The following RHBG variants were observed in gnomAD, a reference collection of about 807,000 sequenced individuals.
RHBG encodes Rh family B glycoprotein.
In RHBG, 39 loss-of-function variants were observed where a neutral mutation model predicts 40.1. The observed-to-expected ratio is 0.97, with a 90% CI of 0.75 to 1.27. The LOEUF (loss-of-function observed/expected upper bound fraction) is 1.27. Among genes scored for constraint, RHBG ranks in the 50% most tolerant of loss-of-function variants. The pLI, the probability that RHBG is intolerant of heterozygous loss-of-function variation, is 0.00. For missense variants in RHBG, 549 were observed against 588.1 expected, an observed-to-expected ratio of 0.93 and a Z score of 0.69; for synonymous variants, 237 against 252.5, an observed-to-expected ratio of 0.94 and a Z score of 0.58.
In RHBG at chr1:156,377,275, G is replaced by A. The variant is rs1667271100; in HGVS notation, c.188-26G>A. The A allele has an allele frequency of 6.2e-7, 1 of 1,607,828 alleles. No individual in the cohort carries two copies. The highest frequency in any genetic ancestry group is 1.1e-5 in the South Asian group (1 of 90,506). ...GCTATGGCTAGAGCAGCCCCCAAGT[G>A]CCCCGCCTGTCCCTGCCCGCTGCAG... On this transcript the variant is annotated intron_variant, in intron 1 of 9. Transcript: ENST00000537040. The surrounding 1 kb of genome is among the most constrained non-coding windows in gnomAD (Gnocchi z 4.6).
At chr1:156,383,250 G>T (rs3790462) in intron 8 of RHBG, among the ~76,000 whole-genome samples, 2 of 152,104 alleles carry the variant, frequency 1.3e-5, no homozygotes. Context: ...ACCCCAGTGC[G>T]AAAACCTTCC....
chr1:156,371,327 G>C (rs920380228), intron 1 of RHBG: 6 of 313,184 alleles, frequency 1.9e-5, no homozygotes, highest in South Asian at 1.2e-4. Context: ...ACCTAGATAA[G>C]TTTTGTATTT....
rs1304353534 is a variant in RHBG at position 156,384,992 on chromosome 1, C to T, written c.*147C>T. On this transcript the variant is annotated 3_prime_UTR_variant, in exon 10 of 10. Coordinates refer to ENST00000537040, the MANE Select transcript of RHBG (RefSeq NM_020407.5). ...GGCCCCTTTCCACAGGCAGCGTCTCCACAGGGAGAGGGGCAACAGGAGGCT... is the reference window on the plus strand; with the variant it reads ...GGCCCCTTTCCACAGGCAGCGTCTCTACAGGGAGAGGGGCAACAGGAGGCT... The T allele has an allele frequency of 6.7e-6, 4 of 596,954 alleles. No individual in the cohort carries two copies. Among genetic ancestry groups the T allele is most frequent in the South Asian group, 6.2e-5 (3 of 48,748 alleles). 37.0% of individuals were successfully genotyped at this position (596,954 alleles called of 1,614,324 possible).
intron 4 of RHBG, among the ~76,000 whole-genome samples, chr1:156,379,559 G>T (rs1023660507): frequency 1.3e-5 from 2 of 152,084 alleles, no homozygotes; most frequent in East Asian, 1.9e-4. Context: ...AATTCCAAAG[G>T]CTTCCCCAAG....
Position 156,378,369 on chromosome 1 carries a change from G to A in RHBG, c.643G>A (p.Val215Ile), listed in dbSNP as rs765489907. ...GAAGAGCAAGCACCGCCAGGGCTCC[G>A]TCTACCATTCAGACCTCTTCGCCAT... ...LEKSKHRQGS[V>I]YHSDLFAMIG... Residue 215 changes from valine (V) to isoleucine (I), a missense_variant, in exon 4 of 10, where the codon GTC becomes ATC. By Grantham distance (29) the Val-to-Ile change is conservative. Coordinates refer to ENST00000537040, the MANE Select transcript of RHBG (RefSeq NM_020407.5). 2.5e-5 allele frequency: 40 copies of A among 1,611,300 alleles called. No homozygotes were observed. The East Asian group carries it at 6.2e-4, about 25-fold the overall frequency.
rs935351717 is a variant in RHBG, at chr1:156,377,544, T to C, written c.374+57T>C. On this transcript the variant is annotated intron_variant, in intron 2 of 9. Transcript: ENST00000537040. This position sits in a 1 kb window ranked among gnomAD's most constrained non-coding sequence, Gnocchi z 4.6. ...GGTTCACTCGGGAGGCCCCTGCCCA[T>C]GGGCCCCGGATCTAGCCCTGTCCTT... 1.9e-6 allele frequency: 3 copies of C among 1,545,814 alleles called. No homozygotes were observed. The African/African-American group carries it at 4.1e-5, about 21-fold the overall frequency.
Position 156,382,807 on chromosome 1 carries a change from TG to T in RHBG, c.1173del (p.Met391IlefsTer11). On this transcript the variant is annotated frameshift_variant, in exon 8 of 10. Coordinates refer to ENST00000537040, the MANE Select transcript of RHBG (RefSeq NM_020407.5). LOFTEE classifies it high-confidence loss of function. ...CAGCGCAGTGCCACGTCACAGGCCATGCACCAGCTCTTCGGGCTGTTTGTCA... is the reference window on the plus strand; with the variant it reads ...CAGCGCAGTGCCACGTCACAGGCCATCACCAGCTCTTCGGGCTGTTTGTCA... ...EGQRSATSQAMHQLFGLFVTL... is the reference protein window; with the variant it reads ...EGQRSATSQAXHQLFGLFVTL... 1 of 1,614,240 alleles carries T rather than the reference TG, an allele frequency of 6.2e-7. No individual in the cohort carries two copies. The highest frequency in any genetic ancestry group is 8.5e-7 in the Non-Finnish European group (1 of 1,180,038).
intron 1 of RHBG, among the ~76,000 whole-genome samples, chr1:156,370,047 G>T (rs1666735117): frequency 6.6e-6 from 1 of 152,166 alleles, no homozygotes; most frequent in Non-Finnish European, 1.5e-5. Flanking sequence ...GGCCAGTCGT[G>T]GTGGCTCACA....
In RHBG at chr1:156,377,386, C is replaced by G. The variant is rs1428033274; in HGVS notation, c.273C>G (p.Gly91=). The change falls in exon 2 of 10, where the codon GGC becomes GGG. Residue 91 remains glycine, a synonymous_variant. Transcript: ENST00000537040. This position sits in a 1 kb window ranked among gnomAD's most constrained non-coding sequence, Gnocchi z 4.6. ...AGCGTTACGGCTTCAGCAGCGTGGG[C>G]TTCACCTTCCTCCTGGCCGCCTTTG... is the stretch of plus-strand genomic sequence containing the variant. ...FLQRYGFSSV[G]FTFLLAAFAL... is the part of the protein sequence containing the mutation. 1 of 1,614,206 alleles carries G rather than the reference C, an allele frequency of 6.2e-7. No individual in the cohort carries two copies. The highest frequency in any genetic ancestry group is 2.2e-5 in the East Asian group (1 of 44,884).
intron 4 of RHBG, among the ~76,000 whole-genome samples, chr1:156,379,785 C>A (rs1460654759): frequency 6.6e-6 from 1 of 152,204 alleles, no homozygotes; most frequent in Non-Finnish European, 1.5e-5. Flanking sequence ...ACGGTGGTCC[C>A]TAAGCCTCCC....
Position 156,381,460 on chromosome 1 carries a change from C to CTTGGCACCT in RHBG, c.791_799dup (p.Gly264_Phe266dup). 6.2e-7 allele frequency: 1 copy of CTTGGCACCT among 1,613,992 alleles called. No individual in the cohort carries two copies. The highest frequency in any genetic ancestry group is 1.7e-5 in the Admixed American group (1 of 60,010). On this transcript the variant is annotated inframe_insertion, in exon 5 of 10. Transcript: ENST00000537040. ...ATACTACTCCCTGGCTGCCAGCACC[C>CTTGGCACCT]TTGGCACCTTTGCCTTGTCAGCCCT...
chr1:156,381,284 A>C, intron 4 of RHBG, 63 bp from the exon 5 acceptor site: 1 of 1,559,172 alleles, frequency 6.4e-7, no homozygotes, highest in Non-Finnish European at 8.8e-7. Flanking sequence ...GCAGTTATAC[A>C]ACTTGTACCT....
intron 1 of RHBG, among the ~76,000 whole-genome samples, chr1:156,374,065 G>A (rs1223621540): frequency 6.6e-6 from 1 of 152,116 alleles, no homozygotes; most frequent in Non-Finnish European, 1.5e-5. Flanking sequence ...GTTAGGATGG[G>A]GGCCGCACAG....
intron 4 of RHBG, 43 bp downstream of exon 4, chr1:156,378,442 G>A: frequency 6.5e-7 from 1 of 1,543,032 alleles, no homozygotes; most frequent in Non-Finnish European, 8.7e-7. Context: ...GGGCTGGTCT[G>A]GAGGCCTCAT....
chr1:156,369,390 G>A lies in RHBG; in HGVS notation c.141G>A (p.Arg47=), dbSNP rs2062814739. ...AAACCGACGCTGCCCTCTGGCACCG[G>A]AGCAACCACAGTAACGCGGACAATG... ...NHKTDAALWH[R]SNHSNADNEF... is the part of the protein sequence containing the mutation. Residue 47 remains arginine, a synonymous_variant, in exon 1 of 10, where the codon CGG becomes CGA. Transcript: ENST00000537040. 1 of 1,614,096 alleles carries A rather than the reference G, an allele frequency of 6.2e-7. No individual in the cohort carries two copies. Among genetic ancestry groups the A allele is most frequent in the African/African-American group, 1.3e-5 (1 of 75,058 alleles).
chr1:156,371,268 A>G, intron 1 of RHBG: 1 of 318,856 alleles, frequency 3.1e-6, no homozygotes, highest in Non-Finnish European at 6.0e-6. Flanking sequence ...CAAGCGATTC[A>G]CCCGCCTCAG....
rs1417116133 is a variant in RHBG at position 156,381,862 on chromosome 1, AATG to A, written c.901_903del (p.Met301del). 2 of 1,599,752 alleles carry A rather than the reference AATG, an allele frequency of 1.3e-6. No individual in the cohort carries two copies. Among genetic ancestry groups the A allele is most frequent in the Admixed American group, 3.7e-5 (2 of 53,456 alleles). ...GGGTTGTGGTGGGGACCTCAAGTGA[AATG>A]ATGCTGACACCCTTTGGGGCTCTGG... On this transcript the variant is annotated inframe_deletion, in exon 6 of 10. Coordinates refer to ENST00000537040, the MANE Select transcript of RHBG (RefSeq NM_020407.5).
Position 156,378,379 on chromosome 1 carries a change from C to A in RHBG, c.653C>A (p.Ser218Ter). ...SKHRQGSVYH[S>*]DLFAMIGTIF... ...CACCGCCAGGGCTCCGTCTACCATT[C>A]AGACCTCTTCGCCATGATTGGTGAG... The change falls in exon 4 of 10, where the codon TCA becomes TAA. Residue 218 changes from serine to a stop codon, truncating the protein, a stop_gained. Coordinates refer to ENST00000537040, the MANE Select transcript of RHBG (RefSeq NM_020407.5). LOFTEE classifies it high-confidence loss of function. 6.2e-7 allele frequency: 1 copy of A among 1,606,146 alleles called. No individual in the cohort carries two copies. Among genetic ancestry groups the A allele is most frequent in the Non-Finnish European group, 8.5e-7 (1 of 1,175,176 alleles).
At chr1:156,371,010 A>G (rs548943142) in intron 1 of RHBG, among the ~76,000 whole-genome samples, 1 of 152,070 alleles carries the variant, frequency 6.6e-6, no homozygotes, top group East Asian at 1.9e-4. Flanking sequence ...ATTTATCACA[A>G]GTGCTTGGGC....
Sources: gnomAD v4.1 joint callset for allele counts (sites outside exome capture counted in the v4.1 genomes callset) on GRCh38, gnomAD v4.1.1 for gene constraint, Gnocchi (gnomAD v3.1) non-coding constraint, MANE v1.5 for transcripts, NCBI Gene and HGNC (gene_info 2026-07-23, HGNC 2026-07-21) for gene names.